Variants in SHC4 observed in about 807,000 individuals in gnomAD.
SHC4 encodes SHC adaptor protein 4, also known as SHC-transforming protein 4.
In SHC4, 41 loss-of-function variants were observed where a neutral mutation model predicts 69.4. That is an observed-to-expected ratio of 0.59 (90% CI 0.46 to 0.77). The LOEUF (loss-of-function observed/expected upper bound fraction) is 0.77, where lower values mean the gene tolerates loss of function less well. Ranked by LOEUF, SHC4 falls within the 30% of genes least tolerant of loss-of-function variation. The probability of loss-of-function intolerance (pLI) is 0.00; values close to 1 mark genes in which losing one functional copy is unlikely to be tolerated. For synonymous variants in SHC4, 318 were observed against 299.3 expected, an observed-to-expected ratio of 1.06 and a Z score of -0.64; for missense variants, 777 against 783.8, an observed-to-expected ratio of 0.99 and a Z score of 0.10.
At chr15:48,858,447 T>G (rs1053919668) in intron 6 of SHC4, among the ~76,000 whole-genome samples, 2 of 152,176 alleles carry the variant, frequency 1.3e-5, no homozygotes, top group African/African-American at 4.8e-5. Flanking sequence ...AAGGTGTCAT[T>G]ACCAGAAGAT....
chr15:48,959,569 A>C (rs983200569), intron 1 of SHC4, among the ~76,000 whole-genome samples: 1 of 152,156 alleles, frequency 6.6e-6, no homozygotes, highest in Non-Finnish European at 1.5e-5. Flanking sequence ...TTTCCTGTAA[A>C]CTTTGCCCCT....
chr15:48,835,159 A>T, intron 10 of SHC4, 137 bp from the exon 11 acceptor site: 1 of 1,171,768 alleles, frequency 8.5e-7, no homozygotes, highest in Non-Finnish European at 1.2e-6. Flanking sequence ...CTTGGGGAAC[A>T]AATGAGGTTT....
rs144128969 is a variant in SHC4, at chr15:48,920,940, G to A, written c.656+3939C>T. ...CTCTATATATGAAGAAGAAGAAGGAGGAGAAGGAGAAGGAGAAGAAGGTGA... is the reference window on the plus strand; with the variant it reads ...CTCTATATATGAAGAAGAAGAAGGAAGAGAAGGAGAAGGAGAAGAAGGTGA... On this transcript the variant is annotated intron_variant, in intron 2 of 11. Coordinates refer to ENST00000332408, the MANE Select transcript of SHC4 (RefSeq NM_203349.4). Among the ~76,000 whole-genome samples the A allele has an allele frequency of 1.3e-3, 199 of 151,706 alleles. 1 individual carries two copies. The highest frequency in any genetic ancestry group is 4.3e-3 in the African/African-American group (179 of 41,350).
intron 6 of SHC4, among the ~76,000 whole-genome samples, chr15:48,862,838 T>C (rs550540549): frequency 6.6e-6 from 1 of 152,280 alleles, no homozygotes; most frequent in East Asian, 1.9e-4. Flanking sequence ...ATTTCTTGAC[T>C]TCCTCCTGTC....
At chr15:48,893,145 C>T (rs2141007250) in intron 2 of SHC4, among the ~76,000 whole-genome samples, 1 of 152,212 alleles carries the variant, frequency 6.6e-6, no homozygotes, top group East Asian at 1.9e-4. Flanking sequence ...GAATACTTTA[C>T]AGCATGAATA....
chr15:48,910,681 C>G (rs539350862), intron 2 of SHC4, among the ~76,000 whole-genome samples: 1 of 152,126 alleles, frequency 6.6e-6, no homozygotes, highest in South Asian at 2.1e-4. Flanking sequence ...CTCTTTCAGT[C>G]TTTTTGATGT....
intron 1 of SHC4, among the ~76,000 whole-genome samples, chr15:48,958,273 C>T: frequency 6.6e-6 from 1 of 152,250 alleles, no homozygotes; most frequent in East Asian, 1.9e-4. Context: ...CTCATCTACG[C>T]TACTCCATTC....
At position 48,962,872 on chromosome 15, in the gene SHC4, G is replaced by A. The variant is rs199796659; in HGVS notation, c.144C>T (p.Gly48=). The A allele has an allele frequency of 4.2e-5, 68 of 1,613,372 alleles. No homozygotes were observed. In the East Asian group the frequency reaches 1.5e-3, roughly 35 times the overall value. The stretch of plus-strand genomic sequence containing the variant: ...GCGGCGAGCCCTTGTTCCCGACCGA[G>A]CCTCCGGAGCTACCTTCGTCCAAGG... The part of the protein sequence containing the change: ...ITSLDEGSSG[G]SVGNKGSPQP... Residue 48 remains glycine (G), a synonymous_variant, in exon 1 of 12, where the codon GGC becomes GGT. Coordinates refer to ENST00000332408, the MANE Select transcript of SHC4 (RefSeq NM_203349.4).
At chr15:48,890,668 G>A in intron 3 of SHC4, 80 bp downstream of exon 3, 8 of 1,520,128 alleles carry the variant, frequency 5.3e-6, no homozygotes, top group Non-Finnish European at 7.3e-6. Flanking sequence ...GTCATATGGT[G>A]GGATGAACGA....
At chr15:48,934,294 T>G (rs1042204276) in intron 1 of SHC4, among the ~76,000 whole-genome samples, 2 of 152,122 alleles carry the variant, frequency 1.3e-5, no homozygotes, top group Non-Finnish European at 2.9e-5. Context: ...CAGACATTTC[T>G]CCAAGAAATA....
At chr15:48,926,041 G>A (rs576018197) in intron 1 of SHC4, among the ~76,000 whole-genome samples, 2 of 152,334 alleles carry the variant, frequency 1.3e-5, no homozygotes, top group African/African-American at 4.8e-5. Flanking sequence ...GAGAAGGGAA[G>A]ATGATGAATT....
chr15:48,866,819 G>A (rs1356947792), intron 6 of SHC4, among the ~76,000 whole-genome samples: 2 of 152,178 alleles, frequency 1.3e-5, no homozygotes, highest in Non-Finnish European at 2.9e-5. Context: ...ACCTGGGACA[G>A]CAGAGGATGT....
chr15:48,928,262 C>T (rs1216052477), intron 1 of SHC4, among the ~76,000 whole-genome samples: 1 of 152,154 alleles, frequency 6.6e-6, no homozygotes, highest in African/African-American at 2.4e-5. Context: ...AACACACAAC[C>T]TAGACCGAGG....
chr15:48,963,020 T>G lies in SHC4; in HGVS notation c.-5A>C. 6.3e-7 allele frequency: 1 copy of G among 1,598,444 alleles called. No homozygotes were observed. The highest frequency in any genetic ancestry group is 8.5e-7 in the Non-Finnish European group (1 of 1,171,462). On this transcript the variant is annotated 5_prime_UTR_variant, in exon 1 of 12. Transcript: ENST00000332408. ...GTCCTGGCCGCGTTCTCGCATAGCCTTGGCAGTGCTGAAACAGGATACTGT... is the reference window on the plus strand; with the variant it reads ...GTCCTGGCCGCGTTCTCGCATAGCCGTGGCAGTGCTGAAACAGGATACTGT...
At chr15:48,832,191 G>C (rs1244537091) in intron 11 of SHC4, among the ~76,000 whole-genome samples, 1 of 152,170 alleles carries the variant, frequency 6.6e-6, no homozygotes, top group Non-Finnish European at 1.5e-5. Context: ...AGAATCACTT[G>C]AACCCAGGAG....
In SHC4 at chr15:48,843,334, A is replaced by G. The variant is rs1193769923; in HGVS notation, c.1483+75T>C. On this transcript the variant is annotated intron_variant, in intron 10 of 11. Coordinates refer to ENST00000332408, the MANE Select transcript of SHC4 (RefSeq NM_203349.4). ...GACTTCTGGCCTCCAGAACTGTGAA[A>G]GAATAAATTTCTGTTTGTGGTAATT... is the stretch of plus-strand genomic sequence containing the variant. 61 of 1,435,354 alleles carry G rather than the reference A, an allele frequency of 4.2e-5. No homozygotes were observed. In the South Asian group the frequency reaches 4.4e-4, roughly 10 times the overall value. 88.9% of individuals were successfully genotyped at this position (1,435,354 alleles called of 1,614,324 possible).
chr15:48,941,735 C>A (rs1214156911), intron 1 of SHC4, among the ~76,000 whole-genome samples: 2 of 152,094 alleles, frequency 1.3e-5, no homozygotes, highest in African/African-American at 2.4e-5. Flanking sequence ...TGTCTGGATA[C>A]CTTTCTGGGA....
chr15:48,827,064 A>G (rs1433970013), intron 11 of SHC4, among the ~76,000 whole-genome samples: 1 of 152,092 alleles, frequency 6.6e-6, no homozygotes, highest in African/African-American at 2.4e-5. Flanking sequence ...TTGTGGCTCT[A>G]CCAGCTTGGT....
intron 3 of SHC4, among the ~76,000 whole-genome samples, chr15:48,884,802 C>G (rs1208947779): frequency 1.3e-5 from 2 of 152,184 alleles, no homozygotes; most frequent in African/African-American, 2.4e-5. Flanking sequence ...TTCTCTGAGG[C>G]CATCCCTGTT....
Sources: allele counts gnomAD v4.1 joint callset (sites outside exome capture counted in the v4.1 genomes callset), GRCh38; gene constraint gnomAD v4.1.1; transcripts MANE v1.5; gene names NCBI Gene and HGNC (gene_info 2026-07-23, HGNC 2026-07-21).